Variants in CRISP1 observed in about 807,000 individuals in gnomAD.
CRISP1 encodes cysteine-rich secretory protein 1.
CRISP1 carries 44 observed loss-of-function variants against 33.1 expected under a neutral mutation model. That is an observed-to-expected ratio of 1.33 (90% confidence interval 1.05 to 1.71). The LOEUF (loss-of-function observed/expected upper bound fraction) is 1.71. Among genes scored for constraint, CRISP1 ranks in the 40% most tolerant of loss-of-function variants. CRISP1 has a pLI of 0.00. For missense variants in CRISP1, 390 were observed against 301.2 expected (o/e 1.29, Z -2.18); for synonymous variants, 103 against 98.7 (o/e 1.04, Z -0.26).
chr6:49,854,201 T>C (rs1397855864), intron 2 of CRISP1, among the ~76,000 whole-genome samples: 3 of 152,182 alleles, frequency 2.0e-5, no homozygotes, highest in African/African-American at 7.2e-5. Flanking sequence ...TACAAGTGAA[T>C]GGGTCATTCT....
chr6:49,867,125 A>G (rs1771817857), upstream of CRISP1, among the ~76,000 whole-genome samples: 1 of 152,156 alleles, frequency 6.6e-6, no homozygotes, highest in African/African-American at 2.4e-5. Flanking sequence ...GAGGTCTAGA[A>G]ATACTGAACA....
intron 7 of CRISP1, among the ~76,000 whole-genome samples, chr6:49,838,104 T>C (rs12198652): frequency 0.097 from 14,726 of 152,096 alleles, 998 homozygotes; most frequent in Non-Finnish European, 0.15. Context: ...AAATTATGGG[T>C]TGCAGTAAGG....
At chr6:49,841,472 A>G (rs1303354229) in intron 5 of CRISP1, among the ~76,000 whole-genome samples, 1 of 152,152 alleles carries the variant, frequency 6.6e-6, no homozygotes, top group Admixed American at 6.5e-5. Flanking sequence ...GCCGTACATG[A>G]CTGTGCATGG....
Position 49,838,457 on chromosome 6 carries a change from T to G in CRISP1, c.602A>C (p.Asn201Thr). 1 of 1,613,220 alleles carries G rather than the reference T, an allele frequency of 6.2e-7. No homozygotes were observed. The highest frequency in any genetic ancestry group is 1.1e-5 in the South Asian group (1 of 90,898). Reference sequence around the variant, plus strand: ...CTTACTGCAAAGTTTGTCTTCACAGTTACTTGGGCAGGCTTCACATGGGAC... The same window carrying G: ...CTTACTGCAAAGTTTGTCTTCACAGGTACTTGGGCAGGCTTCACATGGGAC... ...TGVPCEACPSNCEDKLCTNPC... is the reference protein window; with the variant it reads ...TGVPCEACPSTCEDKLCTNPC... The change falls in exon 7 of 8, where the codon AAC becomes ACC. Residue 201 changes from asparagine (N) to threonine (T), a missense_variant. Transcript: ENST00000335847.
intron 7 of CRISP1, 49 bp downstream of exon 7, chr6:49,838,388 C>G: frequency 7.6e-7 from 1 of 1,309,618 alleles, no homozygotes; most frequent in South Asian, 1.2e-5. Context: ...ATGTATGGTT[C>G]CCAGATCAAT....
intron 5 of CRISP1, among the ~76,000 whole-genome samples, chr6:49,843,915 C>T (rs865944142): frequency 1.3e-5 from 2 of 152,082 alleles, no homozygotes; most frequent in South Asian, 2.1e-4. Context: ...TGGCTGCTGC[C>T]TTGTCTTCTA....
intron 7 of CRISP1, 44 bp from the exon 8 acceptor site, chr6:49,835,487 T>C: frequency 6.3e-7 from 1 of 1,593,154 alleles, no homozygotes; most frequent in Non-Finnish European, 8.6e-7. Flanking sequence ...CTTTTAAAAA[T>C]CGCATTTGCT....
chr6:49,852,544 C>T (rs1311322523), intron 2 of CRISP1, among the ~76,000 whole-genome samples: 1 of 152,138 alleles, frequency 6.6e-6, no homozygotes, highest in Non-Finnish European at 1.5e-5. Flanking sequence ...AAACTACTTC[C>T]ACTTGAACCC....
At chr6:49,841,341 T>G (rs1770981337) in intron 5 of CRISP1, among the ~76,000 whole-genome samples, 1 of 152,170 alleles carries the variant, frequency 6.6e-6, no homozygotes, top group African/African-American at 2.4e-5. Context: ...CAATGTTCAT[T>G]TTCTCTGGGA....
At chr6:49,853,832 C>T (rs774107183) in intron 2 of CRISP1, among the ~76,000 whole-genome samples, 2 of 152,110 alleles carry the variant, frequency 1.3e-5, no homozygotes, top group African/African-American at 2.4e-5. Flanking sequence ...ATCCCAACTT[C>T]GGATGAGACT....
chr6:49,839,822 C>T (rs1770925177), intron 6 of CRISP1, among the ~76,000 whole-genome samples: 1 of 152,110 alleles, frequency 6.6e-6, no homozygotes. Context: ...TTGTCTTCAG[C>T]ACAATTTATA....
At chr6:49,869,157 A>G (rs977174213), upstream of CRISP1, among the ~76,000 whole-genome samples, 2 of 152,296 alleles carry the variant, frequency 1.3e-5, no homozygotes, top group African/African-American at 4.8e-5. Flanking sequence ...CATTTGGTTT[A>G]TGGTGCCTCA....
At chr6:49,836,581 C>G (rs1248979427) in intron 7 of CRISP1, among the ~76,000 whole-genome samples, 2 of 151,976 alleles carry the variant, frequency 1.3e-5, no homozygotes, top group African/African-American at 4.8e-5. Context: ...CCTCGTGATC[C>G]GCCCGCCTCG....
chr6:49,855,668 T>C (rs968995557), intron 2 of CRISP1, among the ~76,000 whole-genome samples: 1 of 152,180 alleles, frequency 6.6e-6, no homozygotes, highest in Non-Finnish European at 1.5e-5. Flanking sequence ...AAAAACTTTT[T>C]GTGTAACATC....
At chr6:49,868,942 C>T (rs1771861921), upstream of CRISP1, among the ~76,000 whole-genome samples, 1 of 152,094 alleles carries the variant, frequency 6.6e-6, no homozygotes, top group African/African-American at 2.4e-5. Context: ...AGATTAATGG[C>T]CCTTTGAAAT....
intron 1 of CRISP1, among the ~76,000 whole-genome samples, chr6:49,858,341 T>C (rs967590707): frequency 6.6e-6 from 1 of 152,206 alleles, no homozygotes; most frequent in African/African-American, 2.4e-5. Flanking sequence ...CCAAGTTTAT[T>C]TCTGAATTAA....
chr6:49,837,224 C>T (rs1202353431), intron 7 of CRISP1, among the ~76,000 whole-genome samples: 1 of 152,118 alleles, frequency 6.6e-6, no homozygotes, highest in Non-Finnish European at 1.5e-5. Flanking sequence ...CCTTTAATAG[C>T]TCTCACTTTC....
At chr6:49,838,986 CTATGT>C (rs1454765691) in intron 6 of CRISP1, among the ~76,000 whole-genome samples, 2 of 152,052 alleles carry the variant, frequency 1.3e-5, no homozygotes, top group Admixed American at 6.6e-5. Context: ...CCATCTTGCA[CTATGT>C]TATAAGAAAC....
At chr6:49,869,803 T>C (rs1177924044), upstream of CRISP1, among the ~76,000 whole-genome samples, 3 of 152,150 alleles carry the variant, frequency 2.0e-5, no homozygotes, top group South Asian at 2.1e-4. Flanking sequence ...CCTAATGTGA[T>C]TGTGTTAAGA....
Sources: gnomAD v4.1 joint callset for allele counts (sites outside exome capture counted in the v4.1 genomes callset) on GRCh38, gnomAD v4.1.1 for gene constraint, MANE v1.5 for transcripts, NCBI Gene and HGNC (gene_info 2026-07-23, HGNC 2026-07-21) for gene names.